The following OPCML variants were observed in gnomAD, a reference collection of about 807,000 sequenced individuals.
OPCML encodes the protein opioid-binding protein/cell adhesion molecule.
A neutral mutation model predicts 37.8 loss-of-function variants in OPCML; 13 were observed. The ratio of observed to expected loss-of-function variants is 0.34; its 90% CI spans 0.22 to 0.55. The LOEUF is 0.55. OPCML is among the 20% of genes least tolerant of loss of function. The pLI, the probability that OPCML is intolerant of heterozygous loss-of-function variation, is 0.91. For missense variants in OPCML, 341 were observed against 435.6 expected, an observed-to-expected ratio of 0.78 and a Z score of 1.93; for synonymous variants, 176 against 168.8, an observed-to-expected ratio of 1.04 and a Z score of -0.33.
At chr11:132,859,889 T>C (rs1000559852) in intron 2 of OPCML, 7 of 152,198 alleles carry the variant, frequency 4.6e-5, no homozygotes, top group African/African-American at 7.2e-5. Flanking sequence ...CATATATATA[T>C]GAGACCTCAG....
chr11:133,084,882 C>G (rs1045067112), intron 1 of OPCML, among the ~76,000 whole-genome samples: 4 of 152,078 alleles, frequency 2.6e-5, no homozygotes, highest in African/African-American at 9.7e-5. Context: ...TTATAAGAAC[C>G]ATGATATAAA....
chr11:133,340,608 C>CTGTGTGTGTG, intron 1 of OPCML, among the ~76,000 whole-genome samples: 1 of 139,518 alleles, frequency 7.2e-6, no homozygotes, highest in South Asian at 2.6e-4. Flanking sequence ...AAGACTCTCT[C>CTGTGTGTGTG]TGTGTGTGTG....
chr11:133,448,219 T>C (rs910265106), intron 1 of OPCML, among the ~76,000 whole-genome samples: 3 of 152,242 alleles, frequency 2.0e-5, no homozygotes, highest in Non-Finnish European at 4.4e-5. Flanking sequence ...ATGTATGATA[T>C]AAGACAGTGG....
intron 2 of OPCML, among the ~76,000 whole-genome samples, chr11:132,841,860 CAAAAAAAAA>C (rs71067402): frequency 8.9e-4 from 31 of 34,692 alleles, no homozygotes; most frequent in South Asian, 4.9e-3. Flanking sequence ...CACTCTATCT[CAAAAAAAAA>C]AAAAAAAAAA....
At chr11:132,930,214 A>G (rs976451120) in intron 2 of OPCML, among the ~76,000 whole-genome samples, 11 of 152,144 alleles carry the variant, frequency 7.2e-5, no homozygotes, top group African/African-American at 2.4e-4. Context: ...AAATACAAAA[A>G]TTAGCCTGAC....
chr11:132,742,515 A>T (rs1270162187), intron 2 of OPCML, among the ~76,000 whole-genome samples: 1 of 151,944 alleles, frequency 6.6e-6, no homozygotes, highest in African/African-American at 2.4e-5. Flanking sequence ...GTTCCCAGAC[A>T]CCAGATATGC....
intron 1 of OPCML, among the ~76,000 whole-genome samples, chr11:133,107,468 GA>G (rs1949177400): frequency 2.0e-5 from 3 of 152,172 alleles, no homozygotes; most frequent in Non-Finnish European, 4.4e-5. Context: ...GCTGTAAGAA[GA>G]AACTTCTCAT....
chr11:132,466,453 C>T (rs1278740235), intron 4 of OPCML, among the ~76,000 whole-genome samples: 1 of 150,198 alleles, frequency 6.7e-6, no homozygotes, highest in African/African-American at 2.4e-5. Context: ...CACTGCACTC[C>T]AGCCTGGGCG....
intron 3 of OPCML, among the ~76,000 whole-genome samples, chr11:132,638,538 T>C (rs1472404234): frequency 1.3e-5 from 2 of 152,218 alleles, no homozygotes; most frequent in Non-Finnish European, 2.9e-5. Flanking sequence ...GGTTAAAAGA[T>C]AACCAGCTGT....
At chr11:133,116,466 TCTGCAACCTTC>T (rs1398685974) in intron 1 of OPCML, among the ~76,000 whole-genome samples, 1 of 152,206 alleles carries the variant, frequency 6.6e-6, no homozygotes, top group African/African-American at 2.4e-5. Flanking sequence ...CTTCCTATAA[TCTGCAACCTTC>T]CTCCAGCTTT....
At chr11:132,839,154 A>G (rs930830770) in intron 2 of OPCML, among the ~76,000 whole-genome samples, 3 of 152,212 alleles carry the variant, frequency 2.0e-5, no homozygotes, top group Admixed American at 6.5e-5. Context: ...AAGCATTTTC[A>G]TCACCTTCAT....
intron 1 of OPCML, among the ~76,000 whole-genome samples, chr11:133,503,286 G>T (rs374993664): frequency 6.6e-6 from 1 of 152,060 alleles, no homozygotes; most frequent in East Asian, 1.9e-4. Context: ...CTACCTTACA[G>T]CCCCCAAACC....
intron 1 of OPCML, among the ~76,000 whole-genome samples, chr11:133,285,235 G>C (rs1393900164): frequency 1.3e-5 from 2 of 152,124 alleles, no homozygotes; most frequent in African/African-American, 4.8e-5. Context: ...GGGGAGGAGG[G>C]ACATGCAGTG....
At chr11:133,257,663 G>A (rs1941358014) in intron 1 of OPCML, among the ~76,000 whole-genome samples, 1 of 152,094 alleles carries the variant, frequency 6.6e-6, no homozygotes, top group African/African-American at 2.4e-5. Flanking sequence ...TCTTCCTTTT[G>A]TTGCAACGTA....
At chr11:133,097,571 A>G (rs903026417) in intron 1 of OPCML, among the ~76,000 whole-genome samples, 3 of 152,206 alleles carry the variant, frequency 2.0e-5, no homozygotes, top group African/African-American at 7.2e-5. Context: ...AAAATCAATG[A>G]AACCAAAAAC....
At chr11:133,333,842 A>T (rs969221628) in intron 1 of OPCML, among the ~76,000 whole-genome samples, 3 of 152,212 alleles carry the variant, frequency 2.0e-5, no homozygotes, top group Non-Finnish European at 4.4e-5. Context: ...ACATGAACAG[A>T]CACTTCTCAA....
chr11:133,048,076 G>T (rs1948056673), intron 1 of OPCML, among the ~76,000 whole-genome samples: 2 of 152,066 alleles, frequency 1.3e-5, no homozygotes, highest in African/African-American at 4.8e-5. Context: ...TGAGGAATCG[G>T]GTAAGACGCA....
intron 2 of OPCML, among the ~76,000 whole-genome samples, chr11:132,662,429 A>AAAAAAAT (rs1942019767): frequency 6.6e-6 from 1 of 150,820 alleles, no homozygotes; most frequent in African/African-American, 2.5e-5. Context: ...AAAAAAAAAA[A>AAAAAAAT]GTGCCAAGAT....
intron 1 of OPCML, among the ~76,000 whole-genome samples, chr11:133,402,951 G>T (rs1028002478): frequency 6.6e-6 from 1 of 152,152 alleles, no homozygotes; most frequent in African/African-American, 2.4e-5. Context: ...TATGAATCCA[G>T]GAAAATCTTA....
Sources: gnomAD v4.1 joint callset for allele counts (sites outside exome capture counted in the v4.1 genomes callset) on GRCh38, gnomAD v4.1.1 for gene constraint, MANE v1.5 for transcripts, NCBI Gene and HGNC (gene_info 2026-07-23, HGNC 2026-07-21) for gene names.